The following EXOC4 variants were observed in gnomAD, a reference collection of about 807,000 sequenced individuals.
EXOC4 encodes SEC8-like 1.
EXOC4 carries 71 observed loss-of-function variants against 107.2 expected under a neutral mutation model. The observed-to-expected ratio is 0.66, with a 90% CI of 0.55 to 0.81. EXOC4 has a LOEUF of 0.81. EXOC4 is among the 30% of genes least tolerant of loss of function. The pLI is 0.00. For missense variants in EXOC4, 1,108 were observed against 1,189.6 expected (o/e 0.93, Z 1.01); for synonymous variants, 456 against 441.2 (o/e 1.03, Z -0.42).
At chr7:134,055,810 G>T (rs1160506568) in intron 17 of EXOC4, among the ~76,000 whole-genome samples, 4 of 152,072 alleles carry the variant, frequency 2.6e-5, no homozygotes, top group Admixed American at 1.3e-4. Context: ...GGTATTTTTG[G>T]TCTGAGCCTG....
At chr7:133,312,630 G>C (rs1432085078) in intron 4 of EXOC4, among the ~76,000 whole-genome samples, 1 of 152,038 alleles carries the variant, frequency 6.6e-6, no homozygotes, top group Non-Finnish European at 1.5e-5. Flanking sequence ...GATGATCAAA[G>C]AATGTTGAAA....
At chr7:134,044,492 A>C (rs1371009848) in intron 17 of EXOC4, among the ~76,000 whole-genome samples, 1 of 152,146 alleles carries the variant, frequency 6.6e-6, no homozygotes, top group East Asian at 1.9e-4. Flanking sequence ...TCTACTAGGA[A>C]TCAGCATGTA....
intron 7 of EXOC4, among the ~76,000 whole-genome samples, chr7:133,381,740 G>A (rs920809202): frequency 3.3e-5 from 5 of 152,098 alleles, no homozygotes; most frequent in African/African-American, 1.2e-4. Context: ...TTGATTCTTA[G>A]CTCCATCTTA....
intron 3 of EXOC4, among the ~76,000 whole-genome samples, chr7:133,295,009 T>A (rs2150554080): frequency 6.6e-6 from 1 of 152,270 alleles, no homozygotes. Context: ...AGTGAGATAT[T>A]AAACTGTGTA....
intron 12 of EXOC4, among the ~76,000 whole-genome samples, chr7:133,907,051 C>G (rs189558430): frequency 3.9e-5 from 6 of 152,180 alleles, no homozygotes; most frequent in African/African-American, 1.4e-4. Flanking sequence ...GCTCTGGGAG[C>G]AAGGACCCCC....
chr7:133,446,663 G>A (rs968257827), intron 7 of EXOC4, among the ~76,000 whole-genome samples: 12 of 152,094 alleles, frequency 7.9e-5, no homozygotes, highest in Non-Finnish European at 1.8e-4. Flanking sequence ...GTTCATCTTT[G>A]TCTTTTTAAA....
intron 14 of EXOC4, among the ~76,000 whole-genome samples, chr7:133,965,172 G>A (rs774284117): frequency 2.6e-5 from 4 of 151,924 alleles, no homozygotes; most frequent in Non-Finnish European, 5.9e-5. Flanking sequence ...CATTTTGTTG[G>A]GATTGTTTGT....
At chr7:133,264,438 G>A (rs1793667242) in intron 1 of EXOC4, among the ~76,000 whole-genome samples, 1 of 152,128 alleles carries the variant, frequency 6.6e-6, no homozygotes, top group African/African-American at 2.4e-5. Context: ...TTTTCAGAGG[G>A]ACTTGTCATT....
intron 12 of EXOC4, among the ~76,000 whole-genome samples, chr7:133,903,400 A>C (rs776206243): frequency 2.0e-5 from 3 of 152,218 alleles, no homozygotes; most frequent in Non-Finnish European, 2.9e-5. Context: ...GACTCTTTGC[A>C]CTGTTGGTAG....
At chr7:133,806,435 G>C (rs1160216876) in intron 10 of EXOC4, among the ~76,000 whole-genome samples, 6 of 152,178 alleles carry the variant, frequency 3.9e-5, no homozygotes, top group Non-Finnish European at 8.8e-5. Context: ...TGGAAATGCA[G>C]GTCAGGAGCA....
chr7:133,513,628 T>G (rs1163411776), intron 9 of EXOC4, among the ~76,000 whole-genome samples: 3 of 152,202 alleles, frequency 2.0e-5, no homozygotes, highest in African/African-American at 7.2e-5. Flanking sequence ...ATTTGTTTCC[T>G]TATTGTCAGG....
chr7:133,292,029 A>AT (rs1422265408), intron 3 of EXOC4, among the ~76,000 whole-genome samples: 2 of 152,096 alleles, frequency 1.3e-5, no homozygotes, highest in Non-Finnish European at 2.9e-5. Context: ...AGGTGAAGAG[A>AT]TTCTCTCATC....
At chr7:133,749,140 A>G (rs1795737642) in intron 10 of EXOC4, among the ~76,000 whole-genome samples, 1 of 152,210 alleles carries the variant, frequency 6.6e-6, no homozygotes, top group South Asian at 2.1e-4. Context: ...CACTATTAGT[A>G]ATCTAAGGGA....
chr7:134,089,388 AT>A, the EXOC4 span, among the ~76,000 whole-genome samples: 3 of 152,326 alleles, frequency 2.0e-5, no homozygotes, highest in Non-Finnish European at 1.5e-5. Context: ...TCTCAAATAC[AT>A]GTTACACTAT....
intron 10 of EXOC4, among the ~76,000 whole-genome samples, chr7:133,667,835 C>T (rs1793853503): frequency 6.6e-6 from 1 of 152,204 alleles, no homozygotes; most frequent in African/African-American, 2.4e-5. Flanking sequence ...ACTCCAACAA[C>T]TAGTGCATTT....
chr7:133,577,571 A>G (rs866069546), intron 9 of EXOC4, among the ~76,000 whole-genome samples: 1 of 152,210 alleles, frequency 6.6e-6, no homozygotes, highest in Non-Finnish European at 1.5e-5. Flanking sequence ...TATGGAGAGG[A>G]ACCTAGATCC....
intron 10 of EXOC4, among the ~76,000 whole-genome samples, chr7:133,634,328 G>T (rs1802656632): frequency 6.6e-6 from 1 of 151,924 alleles, no homozygotes; most frequent in Admixed American, 6.6e-5. Flanking sequence ...TTTCCTTATT[G>T]TTTTTTCTTT....
chr7:134,078,098 A>T, the EXOC4 span, among the ~76,000 whole-genome samples: 1 of 151,820 alleles, frequency 6.6e-6, no homozygotes, highest in Non-Finnish European at 1.5e-5. Flanking sequence ...TTTTAATTTG[A>T]TTTTTCTTTA....
intron 11 of EXOC4, among the ~76,000 whole-genome samples, chr7:133,869,073 C>T (rs1798700195): frequency 6.6e-6 from 1 of 150,944 alleles, no homozygotes; most frequent in Non-Finnish European, 1.5e-5. Flanking sequence ...TAGTTACCCT[C>T]CCTGAAGGCC....
Sources: allele counts gnomAD v4.1 joint callset (sites outside exome capture counted in the v4.1 genomes callset), GRCh38; gene constraint gnomAD v4.1.1; transcripts MANE v1.5; gene names NCBI Gene and HGNC (gene_info 2026-07-23, HGNC 2026-07-21).